UNC5D: variants seen among roughly 807,000 people sequenced by gnomAD.
UNC5D encodes the protein netrin receptor UNC5D.
A neutral mutation model predicts 105.4 loss-of-function variants in UNC5D; 39 were observed. The ratio of observed to expected loss-of-function variants is 0.37; its 90% CI spans 0.29 to 0.48. The LOEUF is 0.48. Ranked by LOEUF, UNC5D falls within the 20% of genes least tolerant of loss-of-function variation. UNC5D has a pLI of 0.98. For missense variants in UNC5D, 991 were observed against 1,202.4 expected, an observed-to-expected ratio of 0.82 and a Z score of 2.60; for synonymous variants, 452 against 450.4, an observed-to-expected ratio of 1.00 and a Z score of -0.04.
chr8:35,615,035 G>GCCCCCCCCCCCCCC (rs1394702258), intron 4 of UNC5D, among the ~76,000 whole-genome samples: 1 of 53,820 alleles, frequency 1.9e-5, no homozygotes, highest in Non-Finnish European at 3.0e-5. Context: ...CATAGTGAGG[G>GCCCCCCCCCCCCCC]GCCCCCCCCC....
chr8:35,261,132 CTA>C (rs1242764852), intron 1 of UNC5D, among the ~76,000 whole-genome samples: 8 of 152,148 alleles, frequency 5.3e-5, no homozygotes, highest in African/African-American at 1.9e-4. Flanking sequence ...AATTGTGAAA[CTA>C]TGTGAGTTTT....
At chr8:35,613,972 C>G (rs1207112934) in intron 4 of UNC5D, among the ~76,000 whole-genome samples, 2 of 152,218 alleles carry the variant, frequency 1.3e-5, no homozygotes, top group East Asian at 3.8e-4. Flanking sequence ...GAGCTAAAGA[C>G]TGTGTGTGGG....
intron 1 of UNC5D, among the ~76,000 whole-genome samples, chr8:35,477,087 T>G (rs1478800478): frequency 6.6e-6 from 1 of 152,190 alleles, no homozygotes; most frequent in Non-Finnish European, 1.5e-5. Context: ...TGATGTGCTG[T>G]ACTTGAAAAG....
intron 1 of UNC5D, among the ~76,000 whole-genome samples, chr8:35,319,382 A>G (rs906620324): frequency 1.3e-5 from 2 of 152,176 alleles, no homozygotes; most frequent in African/African-American, 4.8e-5. Context: ...CATGAAGAAC[A>G]GCCAAGATTC....
intron 1 of UNC5D, among the ~76,000 whole-genome samples, chr8:35,377,901 C>T (rs917172315): frequency 4.6e-5 from 7 of 152,114 alleles, no homozygotes; most frequent in Admixed American, 2.6e-4. Context: ...TTTCTGTTTT[C>T]CTCTTTTAGG....
At chr8:35,364,955 A>G (rs1351869202) in intron 1 of UNC5D, among the ~76,000 whole-genome samples, 1 of 152,190 alleles carries the variant, frequency 6.6e-6, no homozygotes. Flanking sequence ...GAGTCAATTT[A>G]CTATTTCCAA....
intron 1 of UNC5D, among the ~76,000 whole-genome samples, chr8:35,334,102 T>C (rs1442384371): frequency 6.6e-6 from 1 of 152,184 alleles, no homozygotes; most frequent in African/African-American, 2.4e-5. Flanking sequence ...CATTTTAATA[T>C]AACTTCACAA....
At chr8:35,557,820 T>C (rs190475266) in intron 2 of UNC5D, among the ~76,000 whole-genome samples, 1 of 152,166 alleles carries the variant, frequency 6.6e-6, no homozygotes, top group East Asian at 1.9e-4. Context: ...TGGGCATTGT[T>C]GGAGCATGTT....
At chr8:35,274,918 C>T (rs1029925404) in intron 1 of UNC5D, among the ~76,000 whole-genome samples, 2 of 151,744 alleles carry the variant, frequency 1.3e-5, no homozygotes, top group Non-Finnish European at 2.9e-5. Flanking sequence ...GGTGAAACCC[C>T]GTCTCTCCTA....
chr8:35,333,771 C>G (rs1478947363), intron 1 of UNC5D, among the ~76,000 whole-genome samples: 1 of 152,204 alleles, frequency 6.6e-6, no homozygotes, highest in East Asian at 1.9e-4. Context: ...TGAGCCACTG[C>G]ACCAGGCCAG....
At chr8:35,278,754 T>C (rs1423889105) in intron 1 of UNC5D, among the ~76,000 whole-genome samples, 3 of 152,182 alleles carry the variant, frequency 2.0e-5, no homozygotes, top group African/African-American at 7.2e-5. Flanking sequence ...TCTACTCTCT[T>C]AGTGAATTTC....
chr8:35,452,227 A>T (rs187195172), intron 1 of UNC5D, among the ~76,000 whole-genome samples: 1 of 152,146 alleles, frequency 6.6e-6, no homozygotes, highest in Non-Finnish European at 1.5e-5. Flanking sequence ...GTACACGTGT[A>T]TGTGTGCAGA....
chr8:35,479,606 C>A (rs554810014), intron 1 of UNC5D, among the ~76,000 whole-genome samples: 1 of 152,020 alleles, frequency 6.6e-6, no homozygotes, highest in African/African-American at 2.4e-5. Context: ...TAGTACACAG[C>A]CGTATAAAAG....
intron 1 of UNC5D, among the ~76,000 whole-genome samples, chr8:35,384,224 A>AC (rs1803236625): frequency 6.6e-6 from 1 of 151,784 alleles, no homozygotes; most frequent in Admixed American, 6.5e-5. Flanking sequence ...ATTTCAAAAA[A>AC]AAAAAACAAA....
chr8:35,720,837 CTGTT>C (rs1356411968), intron 8 of UNC5D, among the ~76,000 whole-genome samples: 1 of 139,782 alleles, frequency 7.2e-6, no homozygotes, highest in Non-Finnish European at 1.5e-5. Context: ...CTTTCAGATG[CTGTT>C]TTTTTTTTTT....
chr8:35,441,585 T>G lies in UNC5D; in HGVS notation c.104-107707T>G, dbSNP rs970494036. ...ACTTTTTAATATCCTAGAACAGAAG[T>G]AGGTCAAAATGTTAGTTAAGAAACT... On this transcript the variant is annotated intron_variant, in intron 1 of 16. Coordinates refer to ENST00000404895, the MANE Select transcript of UNC5D (RefSeq NM_080872.4). 2.0e-5 allele frequency among the ~76,000 whole-genome samples: 3 copies of G among 151,848 alleles called. No individual in the cohort carries two copies. The South Asian group carries it at 6.2e-4, about 31-fold the overall frequency.
chr8:35,250,619 C>T (rs369124844), intron 1 of UNC5D, among the ~76,000 whole-genome samples: 10 of 152,154 alleles, frequency 6.6e-5, no homozygotes, highest in South Asian at 4.1e-4. Flanking sequence ...CTCAGCCTCC[C>T]GAGTAGCTGG....
At chr8:35,470,796 A>T (rs1014961388) in intron 1 of UNC5D, among the ~76,000 whole-genome samples, 1 of 45,050 alleles carries the variant, frequency 2.2e-5, no homozygotes, top group Admixed American at 1.7e-4. Flanking sequence ...ATAAATAAAT[A>T]AATAAATAAA....
At chr8:35,504,034 A>G (rs1005235861) in intron 1 of UNC5D, among the ~76,000 whole-genome samples, 6 of 152,148 alleles carry the variant, frequency 3.9e-5, no homozygotes, top group African/African-American at 1.4e-4. Flanking sequence ...TTAATTAACT[A>G]TAGGCCTGGA....
Sources: gnomAD v4.1 joint callset for allele counts (sites outside exome capture counted in the v4.1 genomes callset) on GRCh38, gnomAD v4.1.1 for gene constraint, MANE v1.5 for transcripts, NCBI Gene and HGNC (gene_info 2026-07-23, HGNC 2026-07-21) for gene names.